ARID2: variants seen among roughly 807,000 people sequenced by gnomAD.
ARID2 encodes the protein AT-rich interactive domain-containing protein 2.
A neutral mutation model predicts 184.6 loss-of-function variants in ARID2; 32 were observed. The observed-to-expected ratio is 0.17, with a 90% CI of 0.13 to 0.23. The LOEUF (loss-of-function observed/expected upper bound fraction) is 0.23. ARID2 is among the 10% of genes least tolerant of loss of function. ARID2 has a pLI of 1.00. For synonymous variants in ARID2, 836 were observed against 772.6 expected (o/e 1.08, Z -1.36); for missense variants, 1,696 against 2,197.6 (o/e 0.77, Z 4.56).
intron 3 of ARID2, among the ~76,000 whole-genome samples, chr12:45,744,474 A>G (rs552199060): frequency 6.6e-6 from 1 of 152,212 alleles, no homozygotes; most frequent in African/African-American, 2.4e-5. Flanking sequence ...TGCACCTTAT[A>G]TTTGAATATG....
intron 8 of ARID2, 73 bp from the exon 9 acceptor site, chr12:45,837,248 T>A: frequency 7.6e-7 from 1 of 1,310,668 alleles, no homozygotes; most frequent in East Asian, 2.3e-5. Context: ...GTTTATTTTT[T>A]ATTTTTATTA....
chr12:45,742,561 C>A (rs1211468212), intron 3 of ARID2, among the ~76,000 whole-genome samples: 1 of 152,126 alleles, frequency 6.6e-6, no homozygotes, highest in Non-Finnish European at 1.5e-5. Context: ...ATATATTTTG[C>A]CTTTTTTCAC....
intron 11 of ARID2, among the ~76,000 whole-genome samples, chr12:45,845,302 A>T (rs1013480446): frequency 6.6e-6 from 1 of 152,182 alleles, no homozygotes; most frequent in Non-Finnish European, 1.5e-5. Flanking sequence ...TATTTTCTGT[A>T]TTAATATCGT....
intron 11 of ARID2, chr12:45,841,877 C>T (rs374151705): frequency 1.3e-5 from 2 of 152,188 alleles, no homozygotes; most frequent in East Asian, 3.9e-4. Context: ...CTTTTTTATT[C>T]ATCACCCTGT....
At chr12:45,844,517 G>GTAA (rs1943407957) in intron 11 of ARID2, among the ~76,000 whole-genome samples, 1 of 152,092 alleles carries the variant, frequency 6.6e-6, no homozygotes, top group South Asian at 2.1e-4. Flanking sequence ...GCCCTCAATT[G>GTAA]TAATATGTAA....
At chr12:45,872,165 TG>T (rs1943937016) in intron 16 of ARID2, among the ~76,000 whole-genome samples, 1 of 152,120 alleles carries the variant, frequency 6.6e-6, no homozygotes, top group Non-Finnish European at 1.5e-5. Context: ...CTGCCTGCTT[TG>T]GGTTTAATGT....
chr12:45,898,876 T>C (rs191771398), intron 20 of ARID2, among the ~76,000 whole-genome samples: 40 of 152,184 alleles, frequency 2.6e-4, no homozygotes, highest in Middle Eastern at 3.4e-3. Context: ...ATCATGCCAC[T>C]GTACTCCAGC....
In ARID2 at chr12:45,851,539, G is replaced by T. The variant is rs1255013500; in HGVS notation, c.3416G>T (p.Gly1139Val). Residue 1139 changes from glycine to valine, a missense_variant, in exon 15 of 21, where the codon GGA (glycine) becomes GTA (valine). Transcript: ENST00000334344. ...CCAAGTGCAATGCCACCCTCAGGGG[G>T]AGTACAAACTGTGCCCATTTCGAAC... is the stretch of plus-strand genomic sequence containing the variant. ...LVPSAMPPSG[G>V]VQTVPISNLQ... is the part of the protein sequence containing the mutation. 2 of 1,614,032 alleles carry T rather than the reference G, an allele frequency of 1.2e-6. No individual in the cohort carries two copies. Among genetic ancestry groups the T allele is most frequent in the Non-Finnish European group, 1.7e-6 (2 of 1,180,004 alleles).
intron 3 of ARID2, among the ~76,000 whole-genome samples, chr12:45,785,693 T>TA (rs1199710374): frequency 6.6e-6 from 1 of 152,114 alleles, no homozygotes; most frequent in African/African-American, 2.4e-5. Flanking sequence ...GCTCAGTAGG[T>TA]AAGCTTAATG....
In ARID2 at chr12:45,769,980, C is replaced by T. The variant is rs554278834; in HGVS notation, c.284+38666C>T. On this transcript the variant is annotated intron_variant, in intron 3 of 20. Coordinates refer to ENST00000334344, the MANE Select transcript of ARID2 (RefSeq NM_152641.4). ...TTTGAAAAATAAAGGCAAGGCCGGG[C>T]GCGGTGGCTCACACCTGTAATCCTA... 4.1e-4 allele frequency among the ~76,000 whole-genome samples: 63 copies of T among 152,170 alleles called. No homozygotes were observed. In the South Asian group the frequency reaches 4.8e-3, roughly 12 times the overall value.
intron 3 of ARID2, among the ~76,000 whole-genome samples, chr12:45,770,174 A>G (rs140260553): frequency 0.01 from 1,524 of 152,100 alleles, 30 homozygotes; most frequent in African/African-American, 0.035. Flanking sequence ...AATGGCGTGA[A>G]TACGGGAGGC....
intron 5 of ARID2, among the ~76,000 whole-genome samples, chr12:45,820,029 C>T (rs971820644): frequency 6.6e-6 from 1 of 152,086 alleles, no homozygotes; most frequent in Non-Finnish European, 1.5e-5. Flanking sequence ...CAGGTGTGAG[C>T]CACCATGCCC....
intron 3 of ARID2, among the ~76,000 whole-genome samples, chr12:45,764,743 T>G (rs1941741523): frequency 6.6e-6 from 1 of 152,250 alleles, no homozygotes; most frequent in Non-Finnish European, 1.5e-5. Flanking sequence ...ATACTGAAGA[T>G]TCTTTATTCT....
At chr12:45,841,884 C>T (rs190789640) in intron 11 of ARID2, 15 of 152,212 alleles carry the variant, frequency 9.9e-5, no homozygotes, top group Admixed American at 9.2e-4. Context: ...ATTCATCACC[C>T]TGTCAATACT....
chr12:45,826,884 A>C (rs1241151479), intron 6 of ARID2, among the ~76,000 whole-genome samples: 1 of 152,100 alleles, frequency 6.6e-6, no homozygotes, highest in Non-Finnish European at 1.5e-5. Context: ...CAAAAGTTTT[A>C]TTCAGAATTT....
chr12:45,784,448 A>G (rs1392125663), intron 3 of ARID2, among the ~76,000 whole-genome samples: 1 of 152,226 alleles, frequency 6.6e-6, no homozygotes, highest in East Asian at 1.9e-4. Context: ...TGTAAGACCT[A>G]TATAAGAAAA....
chr12:45,834,749 A>C (rs1325651377), intron 6 of ARID2, among the ~76,000 whole-genome samples: 3 of 152,222 alleles, frequency 2.0e-5, no homozygotes, highest in African/African-American at 7.2e-5. Context: ...CAATGAAAAG[A>C]AATACGTTGG....
chr12:45,900,183 C>G (rs1944440182), intron 20 of ARID2, among the ~76,000 whole-genome samples: 1 of 152,144 alleles, frequency 6.6e-6, no homozygotes, highest in Non-Finnish European at 1.5e-5. Flanking sequence ...GCCTCAGCCT[C>G]CTGAGTAGCT....
In ARID2 at chr12:45,889,560, C is replaced by T. The variant is rs979397365; in HGVS notation, c.4923-2220C>T. 5.3e-5 allele frequency among the ~76,000 whole-genome samples: 8 copies of T among 152,242 alleles called. No individual in the cohort carries two copies. The East Asian group carries it at 7.7e-4, about 15-fold the overall frequency. ...TCTCCCAACCCATCCAATAAATATC[C>T]GTAATGTTCTGAAAACTCAGTATTT... On this transcript the variant is annotated intron_variant, in intron 16 of 20. Coordinates refer to ENST00000334344, the MANE Select transcript of ARID2 (RefSeq NM_152641.4).
Sources: allele counts gnomAD v4.1 joint callset (sites outside exome capture counted in the v4.1 genomes callset), GRCh38; gene constraint gnomAD v4.1.1; transcripts MANE v1.5; gene names NCBI Gene and HGNC (gene_info 2026-07-23, HGNC 2026-07-21).